Variants in GRIA4 observed in about 807,000 individuals in gnomAD.
GRIA4 encodes the protein glutamate ionotropic receptor AMPA type subunit 4.
A neutral mutation model predicts 104.0 loss-of-function variants in GRIA4; 34 were observed. The observed-to-expected ratio is 0.33, with a 90% CI of 0.25 to 0.44. The LOEUF is 0.44. Among genes scored for constraint, GRIA4 ranks in the 20% least tolerant of loss-of-function variants. GRIA4 has a pLI of 1.00. For synonymous variants in GRIA4, 386 were observed against 381.9 expected, an observed-to-expected ratio of 1.01 and a Z score of -0.13; for missense variants, 750 against 1,096.5, an observed-to-expected ratio of 0.68 and a Z score of 4.46.
At chr11:105,810,014 A>G (rs567657573) in intron 4 of GRIA4, among the ~76,000 whole-genome samples, 21 of 152,220 alleles carry the variant, frequency 1.4e-4, no homozygotes, top group African/African-American at 5.1e-4. Flanking sequence ...ATTTAAGGAT[A>G]AGGTTGTTAT....
At chr11:105,771,775 T>G (rs1360442175) in intron 4 of GRIA4, among the ~76,000 whole-genome samples, 1 of 152,060 alleles carries the variant, frequency 6.6e-6, no homozygotes, top group Admixed American at 6.6e-5. Context: ...TTTTTTGATT[T>G]GTAACAATTT....
intron 14 of GRIA4, among the ~76,000 whole-genome samples, chr11:105,953,315 A>C (rs1421207564): frequency 3.3e-5 from 5 of 152,178 alleles, no homozygotes; most frequent in Admixed American, 3.3e-4. Context: ...TAGGTCATTA[A>C]TTGACTTTAC....
intron 4 of GRIA4, among the ~76,000 whole-genome samples, chr11:105,840,639 ATAT>A (rs1175553241): frequency 6.6e-6 from 1 of 152,180 alleles, no homozygotes; most frequent in Non-Finnish European, 1.5e-5. Flanking sequence ...TTTCTATACG[ATAT>A]TATAAGACTC....
At chr11:105,642,102 A>G (rs2135351486) in intron 3 of GRIA4, among the ~76,000 whole-genome samples, 1 of 152,166 alleles carries the variant, frequency 6.6e-6, no homozygotes. Context: ...GCCCACCCTA[A>G]TGACCTCATT....
chr11:105,719,424 G>T (rs1373087848), intron 3 of GRIA4, among the ~76,000 whole-genome samples: 1 of 152,082 alleles, frequency 6.6e-6, no homozygotes, highest in Non-Finnish European at 1.5e-5. Context: ...GCATATGTCT[G>T]CTTTAAATTT....
chr11:105,736,361 G>A (rs371299965), intron 3 of GRIA4, among the ~76,000 whole-genome samples: 5 of 152,066 alleles, frequency 3.3e-5, no homozygotes, highest in East Asian at 1.9e-4. Context: ...TGAAAGAATA[G>A]TCATTCTCTC....
At chr11:105,799,320 C>T (rs1942618642) in intron 4 of GRIA4, among the ~76,000 whole-genome samples, 1 of 151,928 alleles carries the variant, frequency 6.6e-6, no homozygotes, top group South Asian at 2.1e-4. Flanking sequence ...TGAAGGTGTG[C>T]AAGAAAGAGC....
chr11:105,642,601 C>A (rs1951403727), intron 3 of GRIA4, among the ~76,000 whole-genome samples: 1 of 146,262 alleles, frequency 6.8e-6, no homozygotes, highest in Admixed American at 6.8e-5. Context: ...ACTCATCTAC[C>A]CACCAAAGTT....
rs1859243664 is a variant in GRIA4, at chr11:105,981,394, A to G, written c.*1655A>G. On this transcript the variant is annotated 3_prime_UTR_variant, in exon 17 of 17. Coordinates refer to ENST00000282499, the MANE Select transcript of GRIA4 (RefSeq NM_000829.4). ...AGCCATGCACATCAGTGGCTCATTT[A>G]AGGAATGAATGCCATTAGATGGGCT... The G allele has an allele frequency of 2.0e-5, 3 of 152,570 alleles. No homozygotes were observed. In the South Asian group the frequency reaches 6.2e-4, roughly 32 times the overall value. 9.5% of individuals were successfully genotyped at this position (152,570 alleles called of 1,614,324 possible).
At chr11:105,751,565 A>G (rs976694805) in intron 3 of GRIA4, among the ~76,000 whole-genome samples, 1 of 152,210 alleles carries the variant, frequency 6.6e-6, no homozygotes, top group African/African-American at 2.4e-5. Flanking sequence ...TGGTGAGCAT[A>G]GAATTAGTTG....
At chr11:105,838,746 T>G (rs890895269) in intron 4 of GRIA4, among the ~76,000 whole-genome samples, 1 of 152,156 alleles carries the variant, frequency 6.6e-6, no homozygotes, top group Non-Finnish European at 1.5e-5. Flanking sequence ...GCAGAAGAGC[T>G]GACACCCATT....
chr11:105,981,186 A>G lies in GRIA4; in HGVS notation c.*1447A>G, dbSNP rs1859236286. ...TGTATGAATTAAACTAACATGGTTC[A>G]AAAGAAGGTTTGGTTCATTTGAAAT... On this transcript the variant is annotated 3_prime_UTR_variant, in exon 17 of 17. Transcript: ENST00000282499. 6.6e-6 allele frequency: 1 copy of G among 152,662 alleles called. No homozygotes were observed. The highest frequency in any genetic ancestry group is 2.4e-5 in the African/African-American group (1 of 41,462). 9.5% of individuals were successfully genotyped at this position (152,662 alleles called of 1,614,324 possible).
At chr11:105,802,060 T>C (rs1316591874) in intron 4 of GRIA4, among the ~76,000 whole-genome samples, 2 of 152,078 alleles carry the variant, frequency 1.3e-5, no homozygotes, top group East Asian at 3.9e-4. Flanking sequence ...GCAGGCAGCC[T>C]GACTGGGTCC....
intron 4 of GRIA4, among the ~76,000 whole-genome samples, chr11:105,766,127 T>G (rs560746411): frequency 7.9e-5 from 12 of 152,318 alleles, no homozygotes; most frequent in African/African-American, 2.9e-4. Context: ...GCATTAGTTT[T>G]CATATCTTTA....
rs1423824433 is a variant in GRIA4, at chr11:105,933,171, G to A, written c.2047-551G>A. On this transcript the variant is annotated intron_variant, in intron 13 of 16. Transcript: ENST00000282499. ...GCGGGAGGATCTCTTGAGCCCAGGAGTTGTGGGTTACAGTGAGCTATGATC... is the reference window on the plus strand; with the variant it reads ...GCGGGAGGATCTCTTGAGCCCAGGAATTGTGGGTTACAGTGAGCTATGATC... Among the ~76,000 whole-genome samples, 4 of 151,950 alleles carry A rather than the reference G, an allele frequency of 2.6e-5. No homozygotes were observed. In the East Asian group the frequency reaches 7.7e-4, roughly 29 times the overall value.
intron 4 of GRIA4, among the ~76,000 whole-genome samples, chr11:105,822,293 G>A (rs1943603245): frequency 6.6e-6 from 1 of 152,034 alleles, no homozygotes; most frequent in Non-Finnish European, 1.5e-5. Context: ...GGCTCTTTGA[G>A]TAAAAGAATG....
At chr11:105,932,364 C>T (rs1947904566) in intron 13 of GRIA4, among the ~76,000 whole-genome samples, 1 of 152,088 alleles carries the variant, frequency 6.6e-6, no homozygotes, top group African/African-American at 2.4e-5. Flanking sequence ...GTCTTGAACT[C>T]CTGATCTCAC....
chr11:105,911,844 G>T, intron 10 of GRIA4: 1 of 1,220,912 alleles, frequency 8.2e-7, no homozygotes, highest in Non-Finnish European at 1.1e-6. Flanking sequence ...GTAATGGAAA[G>T]TCATACTTCA....
At chr11:105,974,177 G>A in intron 15 of GRIA4, 133 bp from the exon 16 acceptor site, 1 of 839,124 alleles carries the variant, frequency 1.2e-6, no homozygotes, top group Non-Finnish European at 1.9e-6. Context: ...GCCTACATCA[G>A]TGACTTATAC....
Sources: allele counts gnomAD v4.1 joint callset (sites outside exome capture counted in the v4.1 genomes callset), GRCh38; gene constraint gnomAD v4.1.1; transcripts MANE v1.5; gene names NCBI Gene and HGNC (gene_info 2026-07-23, HGNC 2026-07-21).